Variants in LRP1B observed in about 807,000 individuals in gnomAD.
LRP1B encodes the protein low-density lipoprotein receptor-related protein 1B.
A neutral mutation model predicts 556.6 loss-of-function variants in LRP1B; 217 were observed. The ratio of observed to expected loss-of-function variants is 0.39; its 90% confidence interval spans 0.35 to 0.44. The LOEUF (loss-of-function observed/expected upper bound fraction) is 0.44, where lower values mean the gene tolerates loss of function less well. LRP1B is among the 20% of genes least tolerant of loss of function. LRP1B has a pLI of 1.00. For missense variants in LRP1B, 5,053 were observed against 5,620.8 expected (o/e 0.90, Z 3.23); for synonymous variants, 2,047 against 1,865.8 (o/e 1.10, Z -2.50).
intron 1 of LRP1B, among the ~76,000 whole-genome samples, chr2:142,083,988 T>G (rs1301246003): frequency 6.6e-6 from 1 of 151,902 alleles, no homozygotes; most frequent in East Asian, 1.9e-4. Flanking sequence ...TATGCCTTTT[T>G]TTTTTTTTTG....
chr2:140,784,093 C>T (rs1689800165), intron 32 of LRP1B, among the ~76,000 whole-genome samples: 1 of 152,090 alleles, frequency 6.6e-6, no homozygotes, highest in Non-Finnish European at 1.5e-5. Flanking sequence ...ACCTGGAAGA[C>T]CTTTTTAAAA....
At chr2:140,370,895 C>T (rs550212178) in intron 70 of LRP1B, 53 bp from the exon 71 acceptor site, 1 of 1,583,424 alleles carries the variant, frequency 6.3e-7, no homozygotes, top group East Asian at 2.3e-5. Context: ...ATGATACAAT[C>T]ATGGGCAAAA....
intron 41 of LRP1B, among the ~76,000 whole-genome samples, chr2:140,632,423 T>C (rs1683919544): frequency 6.6e-6 from 1 of 152,150 alleles, no homozygotes; most frequent in Non-Finnish European, 1.5e-5. Flanking sequence ...TGAAGTAATA[T>C]GGCACTATTT....
intron 41 of LRP1B, among the ~76,000 whole-genome samples, chr2:140,603,829 T>G (rs947830709): frequency 2.6e-5 from 4 of 152,070 alleles, no homozygotes; most frequent in Non-Finnish European, 4.4e-5. Flanking sequence ...GATGTTTAGA[T>G]CCTTATAAAA....
chr2:140,896,677 T>C (rs1693963817), intron 23 of LRP1B, among the ~76,000 whole-genome samples: 1 of 152,056 alleles, frequency 6.6e-6, no homozygotes, highest in South Asian at 2.1e-4. Flanking sequence ...GTAGGGGGTA[T>C]CCTTATGTTG....
chr2:141,057,902 G>T (rs545352521), intron 9 of LRP1B, among the ~76,000 whole-genome samples: 83 of 151,882 alleles, frequency 5.5e-4, no homozygotes, highest in African/African-American at 2.0e-3. Flanking sequence ...ATTGAAGACT[G>T]CTCCCATTTC....
intron 84 of LRP1B, among the ~76,000 whole-genome samples, chr2:140,279,191 A>G (rs1174451566): frequency 1.3e-5 from 2 of 151,980 alleles, no homozygotes; most frequent in East Asian, 1.9e-4. Flanking sequence ...TCTTAATAAT[A>G]GACTTTAGCA....
chr2:140,446,679 A>T (rs1004431627), intron 63 of LRP1B, among the ~76,000 whole-genome samples: 10 of 152,156 alleles, frequency 6.6e-5, no homozygotes, highest in Non-Finnish European at 1.3e-4. Flanking sequence ...CTACTAAAAG[A>T]AAGCTCACAG....
At chr2:140,515,562 C>A (rs1223369393) in intron 50 of LRP1B, among the ~76,000 whole-genome samples, 1 of 151,962 alleles carries the variant, frequency 6.6e-6, no homozygotes, top group Non-Finnish European at 1.5e-5. Context: ...GTAAAAATAG[C>A]AATTCTGCTT....
At chr2:140,286,843 AAAAT>A (rs996088480) in intron 84 of LRP1B, among the ~76,000 whole-genome samples, 22 of 151,814 alleles carry the variant, frequency 1.4e-4, no homozygotes, top group South Asian at 4.1e-4. Flanking sequence ...GAAAATTATA[AAAAT>A]AAATATCTGC....
At chr2:140,361,206 C>T (rs1287548322) in intron 72 of LRP1B, among the ~76,000 whole-genome samples, 1 of 149,826 alleles carries the variant, frequency 6.7e-6, no homozygotes, top group African/African-American at 2.4e-5. Flanking sequence ...TCCAAAATAA[C>T]CCTAAATTTA....
At chr2:141,458,849 G>T (rs1037609073) in intron 3 of LRP1B, among the ~76,000 whole-genome samples, 4 of 152,118 alleles carry the variant, frequency 2.6e-5, no homozygotes, top group Admixed American at 2.0e-4. Flanking sequence ...TCTTTACCAT[G>T]TCATTCCCAG....
chr2:141,107,103 T>C (rs1700623906), intron 7 of LRP1B, among the ~76,000 whole-genome samples: 1 of 152,140 alleles, frequency 6.6e-6, no homozygotes, highest in African/African-American at 2.4e-5. Context: ...TTGGAAATAA[T>C]TCCCTAATAG....
At chr2:141,266,483 G>T (rs1037217413) in intron 3 of LRP1B, among the ~76,000 whole-genome samples, 8 of 151,930 alleles carry the variant, frequency 5.3e-5, no homozygotes, top group African/African-American at 1.9e-4. Context: ...CACTAGGTAT[G>T]CTTTGAAATG....
At chr2:141,633,376 A>G (rs1688982228) in intron 2 of LRP1B, among the ~76,000 whole-genome samples, 1 of 152,104 alleles carries the variant, frequency 6.6e-6, no homozygotes, top group African/African-American at 2.4e-5. Context: ...AGGTCATCAC[A>G]CCCTTGAGAC....
chr2:140,380,518 T>A (rs7599200), intron 67 of LRP1B, among the ~76,000 whole-genome samples: 13,599 of 152,202 alleles, frequency 0.089, 727 homozygotes, highest in Middle Eastern at 0.14. Context: ...TGAAATATGT[T>A]CAATTTATTT....
chr2:140,699,135 A>T (rs1478967683), intron 41 of LRP1B, among the ~76,000 whole-genome samples: 1 of 152,084 alleles, frequency 6.6e-6, no homozygotes, highest in Non-Finnish European at 1.5e-5. Flanking sequence ...TCCACCACAC[A>T]TACAGGCTTG....
intron 43 of LRP1B, among the ~76,000 whole-genome samples, chr2:140,586,014 G>A (rs936424910): frequency 6.6e-6 from 1 of 151,956 alleles, no homozygotes; most frequent in African/African-American, 2.4e-5. Flanking sequence ...CTTTAAAAGT[G>A]TCTTTAAAAA....
chr2:141,415,068 G>C (rs1199584761), intron 3 of LRP1B, among the ~76,000 whole-genome samples: 2 of 152,184 alleles, frequency 1.3e-5, no homozygotes, highest in African/African-American at 4.8e-5. Context: ...AGGCTGAAGT[G>C]CAGTGGCGCT....
Sources: gnomAD v4.1 joint callset for allele counts (sites outside exome capture counted in the v4.1 genomes callset) on GRCh38, gnomAD v4.1.1 for gene constraint, MANE v1.5 for transcripts, NCBI Gene and HGNC (gene_info 2026-07-23, HGNC 2026-07-21) for gene names.